Variants in HABP2 observed in about 807,000 individuals in gnomAD.
HABP2 encodes hyaluronan binding protein 2.
In HABP2, 65 loss-of-function variants were observed where a neutral mutation model predicts 66.5. That is an observed-to-expected ratio of 0.98 (90% CI 0.80 to 1.20). HABP2 has a LOEUF of 1.20. Ranked by LOEUF, HABP2 falls within the 50% of genes most tolerant of loss-of-function variation. HABP2 has a pLI of 0.00. For synonymous variants in HABP2, 263 were observed against 253.9 expected (o/e 1.04, Z -0.34); for missense variants, 786 against 691.0 (o/e 1.14, Z -1.54).
At position 113,585,804 on chromosome 10, in the gene HABP2, C is replaced by T. The variant is rs141433300; in HGVS notation, c.1384C>T (p.Arg462Cys). The T allele has an allele frequency of 8.5e-4, 1,375 of 1,613,712 alleles. 1 individual carries two copies. The highest frequency in any genetic ancestry group is 1.0e-3 in the Non-Finnish European group (1,218 of 1,179,600). Reference protein sequence around the residue: ...WGVTETGKGSRQLLDAKVKLI... With the variant: ...WGVTETGKGSCQLLDAKVKLI... ...CACCTTCCCCACAGGAAAAGGGTCC[C>T]GCCAGCTCCTGGATGCCAAAGTCAA... The change falls in exon 12 of 13, where the codon CGC becomes TGC. Residue 462 changes from arginine (R) to cysteine (C), a missense_variant. Physicochemically the swap from Arg to Cys is radical, Grantham distance 180. Coordinates refer to ENST00000351270, the MANE Select transcript of HABP2 (RefSeq NM_004132.5).
rs377526977 is a variant in HABP2, at chr10:113,581,942, G to A, written c.905G>A (p.Gly302Glu). Reference sequence around the variant, plus strand: ...AAGCTTCCGGGGTTTGACTCCTGTGGAAAGACTGAGATAGCAGAGAGGAAG... The same window carrying A: ...AAGCTTCCGGGGTTTGACTCCTGTGAAAAGACTGAGATAGCAGAGAGGAAG... ...STKLPGFDSC[G>E]KTEIAERKIK... Residue 302 changes from glycine (G) to glutamate (E), a missense_variant, in exon 9 of 13, where the codon GGA becomes GAA. Coordinates refer to ENST00000351270, the MANE Select transcript of HABP2 (RefSeq NM_004132.5). 6.2e-6 allele frequency: 10 copies of A among 1,614,200 alleles called. No homozygotes were observed. Among genetic ancestry groups the A allele is most frequent in the Non-Finnish European group, 8.5e-6 (10 of 1,180,004 alleles).
intron 2 of HABP2, among the ~76,000 whole-genome samples, chr10:113,568,154 C>A (rs1454083286): frequency 6.6e-6 from 1 of 152,252 alleles, no homozygotes. Flanking sequence ...GCAAGCTAAG[C>A]AGGGCCACCC....
intron 1 of HABP2, among the ~76,000 whole-genome samples, chr10:113,565,335 A>T (rs556504633): frequency 1.8e-4 from 27 of 147,220 alleles, no homozygotes; most frequent in African/African-American, 4.8e-4. Flanking sequence ...TTTTTTTTAA[A>T]AAAGAGGTTT....
intron 12 of HABP2, among the ~76,000 whole-genome samples, chr10:113,586,511 A>C (rs1371970615): frequency 1.3e-5 from 2 of 149,540 alleles, no homozygotes; most frequent in African/African-American, 4.9e-5. Flanking sequence ...TAGAAAACTA[A>C]GTATATCTGT....
intron 12 of HABP2, among the ~76,000 whole-genome samples, chr10:113,587,569 T>A (rs897814684): frequency 3.9e-5 from 6 of 152,132 alleles, no homozygotes; most frequent in African/African-American, 1.4e-4. Context: ...TAAAAACCTG[T>A]CAGTTGTAGT....
intron 2 of HABP2, 86 bp downstream of exon 2, chr10:113,567,611 T>G: frequency 1.0e-6 from 1 of 976,232 alleles, no homozygotes; most frequent in African/African-American, 1.6e-5. Flanking sequence ...ATGGAAGTGT[T>G]GGAGGGACCT....
intron 2 of HABP2, among the ~76,000 whole-genome samples, chr10:113,570,923 A>G (rs1056241728): frequency 6.6e-6 from 1 of 152,232 alleles, no homozygotes; most frequent in African/African-American, 2.4e-5. Flanking sequence ...GAGGAAACAA[A>G]TAAGATAGAC....
chr10:113,584,155 C>G lies in HABP2; in HGVS notation c.1245C>G (p.Leu415=). 1 of 1,613,806 alleles carries G rather than the reference C, an allele frequency of 6.2e-7. No homozygotes were observed. Among genetic ancestry groups the G allele is most frequent in the Non-Finnish European group, 8.5e-7 (1 of 1,179,746 alleles). Residue 415 remains leucine, a synonymous_variant, in exon 11 of 13, where the codon CTC becomes CTG. Transcript: ENST00000351270. ...DEIPHNDIAL[L]KLKPVDGHCA... ...ACCTCTCTCTCCACCTAGCATTGCT[C>G]AAGTTAAAGCCAGTGGATGGTCACT...
chr10:113,588,132 C>G, intron 12 of HABP2, 73 bp from the exon 13 acceptor site: 1 of 1,302,850 alleles, frequency 7.7e-7, no homozygotes, highest in Non-Finnish European at 1.1e-6. Flanking sequence ...CCTGACACCC[C>G]CTGGAGAGAG....
At position 113,580,871 on chromosome 10, in the gene HABP2, G is replaced by A. The variant is rs554678695; in HGVS notation, c.838+179G>A. Among the ~76,000 whole-genome samples, 14 of 152,302 alleles carry A rather than the reference G, an allele frequency of 9.2e-5. No individual in the cohort carries two copies. In the East Asian group the frequency reaches 2.1e-3, roughly 23 times the overall value. On this transcript the variant is annotated intron_variant, in intron 8 of 12. Coordinates refer to ENST00000351270, the MANE Select transcript of HABP2 (RefSeq NM_004132.5). ...CTGCACCCACCAGGATGCCAAGCAG[G>A]TCTGGATACCTTTGTGGGTTTAGGT... is the stretch of plus-strand genomic sequence containing the variant.
intron 1 of HABP2, among the ~76,000 whole-genome samples, chr10:113,554,954 C>T (rs1345112950): frequency 1.3e-5 from 2 of 152,122 alleles, no homozygotes; most frequent in African/African-American, 4.8e-5. Flanking sequence ...GACAGGTGGT[C>T]GGGAAGGCGG....
At chr10:113,571,394 G>T (rs1466584509) in intron 2 of HABP2, among the ~76,000 whole-genome samples, 3 of 152,250 alleles carry the variant, frequency 2.0e-5, no homozygotes, top group African/African-American at 7.2e-5. Context: ...TCACATGGCA[G>T]TCATGTGGGT....
intron 2 of HABP2, among the ~76,000 whole-genome samples, chr10:113,572,198 A>G (rs1215180349): frequency 6.6e-6 from 1 of 152,238 alleles, no homozygotes; most frequent in African/African-American, 2.4e-5. Context: ...ATATGATTCA[A>G]AGCCTATGTA....
At chr10:113,564,800 C>A (rs145154768) in intron 1 of HABP2, among the ~76,000 whole-genome samples, 134 of 151,788 alleles carry the variant, frequency 8.8e-4, no homozygotes, top group Middle Eastern at 3.5e-3. Context: ...TTTGCTGAAT[C>A]ATTTGCAAGT....
rs1420486720 is a variant in HABP2 at position 113,581,963 on chromosome 10, G to C, written c.926G>C (p.Arg309Thr). 2 of 1,614,112 alleles carry C rather than the reference G, an allele frequency of 1.2e-6. No homozygotes were observed. Among genetic ancestry groups the C allele is most frequent in the African/African-American group, 1.3e-5 (1 of 74,954 alleles). ...DSCGKTEIAE[R>T]KIKRIYGGFK... ...TGTGGAAAGACTGAGATAGCAGAGA[G>C]GAAGATCAAGAGAATCTATGGAGGC... Residue 309 changes from arginine to threonine, a missense_variant, in exon 9 of 13, where the codon AGG becomes ACG. By Grantham distance (71) the Arg-to-Thr change is moderately conservative. Transcript: ENST00000351270.
intron 2 of HABP2, among the ~76,000 whole-genome samples, chr10:113,571,980 C>A (rs778679677): frequency 2.6e-5 from 4 of 152,300 alleles, no homozygotes; most frequent in East Asian, 3.9e-4. Flanking sequence ...AGTGGAGAAA[C>A]CCTCCCAGAT....
Position 113,578,222 on chromosome 10 carries a change from T to C in HABP2, c.568+77T>C. On this transcript the variant is annotated intron_variant, in intron 6 of 12. Coordinates refer to ENST00000351270, the MANE Select transcript of HABP2 (RefSeq NM_004132.5). Reference sequence around the variant, plus strand: ...TCCTCTCTGGGTTTTGTTGCCAGAATGTGGTTCAAATCAAGTTTCCCAAAC... The same window carrying C: ...TCCTCTCTGGGTTTTGTTGCCAGAACGTGGTTCAAATCAAGTTTCCCAAAC... The C allele has an allele frequency of 5.3e-6, 8 of 1,510,804 alleles. No homozygotes were observed. In the South Asian group the frequency reaches 9.3e-5, roughly 17 times the overall value. 93.6% of individuals were successfully genotyped at this position (1,510,804 alleles called of 1,614,324 possible). A position where few individuals can be genotyped will look rare whatever the true frequency, so the allele number is the denominator to read the frequency against.
At chr10:113,579,757 C>A (rs906520893) in intron 7 of HABP2, among the ~76,000 whole-genome samples, 1 of 149,782 alleles carries the variant, frequency 6.7e-6, no homozygotes, top group Non-Finnish European at 1.5e-5. Context: ...AGGATTTTTT[C>A]TTGTTTTTTT....
At chr10:113,568,000 C>A (rs1272308528) in intron 2 of HABP2, among the ~76,000 whole-genome samples, 1 of 152,266 alleles carries the variant, frequency 6.6e-6, no homozygotes, top group African/African-American at 2.4e-5. Flanking sequence ...CTGTTGTCTT[C>A]TCTGCCCAAA....
Sources: gnomAD v4.1 joint callset for allele counts (sites outside exome capture counted in the v4.1 genomes callset) on GRCh38, gnomAD v4.1.1 for gene constraint, MANE v1.5 for transcripts, NCBI Gene and HGNC (gene_info 2026-07-23, HGNC 2026-07-21) for gene names.